The following ALG9 variants were observed in gnomAD, a reference collection of about 807,000 sequenced individuals.
ALG9 encodes alpha-1,2-mannosyltransferase ALG9.
ALG9 carries 55 observed loss-of-function variants against 81.8 expected under a neutral mutation model. The observed-to-expected ratio is 0.67, with a 90% CI of 0.54 to 0.84. ALG9 has a LOEUF of 0.84. Ranked by LOEUF, ALG9 falls within the 40% of genes least tolerant of loss-of-function variation. ALG9 has a pLI of 0.00. For missense variants in ALG9, 629 were observed against 745.0 expected (o/e 0.84, Z 1.81); for synonymous variants, 278 against 274.3 (o/e 1.01, Z -0.13).
chr11:111,796,812 C>T (rs1247628118), intron 14 of ALG9, among the ~76,000 whole-genome samples: 3 of 152,142 alleles, frequency 2.0e-5, no homozygotes, highest in Non-Finnish European at 2.9e-5. Context: ...AAGGGCACCA[C>T]CATGATTGAC....
chr11:111,837,727 G>C (rs2136833385), intron 11 of ALG9, 112 bp from the exon 12 acceptor site: 1 of 1,228,442 alleles, frequency 8.1e-7, no homozygotes. Flanking sequence ...TAAAAGGCAG[G>C]AAGGGCCATA....
intron 8 of ALG9, among the ~76,000 whole-genome samples, chr11:111,850,076 C>G (rs1238827434): frequency 2.0e-5 from 3 of 152,180 alleles, no homozygotes; most frequent in Non-Finnish European, 4.4e-5. Context: ...TTTATGTATA[C>G]TGAATGGCCT....
At chr11:111,838,434 T>C in intron 10 of ALG9, 35 bp from the exon 11 acceptor site, 1 of 1,557,836 alleles carries the variant, frequency 6.4e-7, no homozygotes, top group East Asian at 2.3e-5. Flanking sequence ...AGAATATACA[T>C]AATTACAAGA....
chr11:111,821,641 CT>C (rs879950901), intron 13 of ALG9, among the ~76,000 whole-genome samples: 305 of 144,904 alleles, frequency 2.1e-3, no homozygotes, highest in Non-Finnish European at 1.9e-3. Flanking sequence ...CCCCAGGCTT[CT>C]TTTTTTTTTT....
chr11:111,791,242 G>C (rs1555070147), intron 14 of ALG9, among the ~76,000 whole-genome samples: 1 of 152,140 alleles, frequency 6.6e-6, no homozygotes, highest in Non-Finnish European at 1.5e-5. Flanking sequence ...TAAGCTAATT[G>C]GGTAGAAACA....
chr11:111,768,302 C>T, the ALG9 span, among the ~76,000 whole-genome samples: 2 of 151,876 alleles, frequency 1.3e-5, no homozygotes, highest in South Asian at 2.1e-4. Flanking sequence ...TCATTTGTCA[C>T]GTTAAATTAC....
intron 8 of ALG9, chr11:111,849,707 T>G (rs1398344913): frequency 6.6e-6 from 1 of 152,114 alleles, no homozygotes. Context: ...CAGCTCCCAT[T>G]TATAAGTGAG....
intron 13 of ALG9, among the ~76,000 whole-genome samples, chr11:111,811,872 T>C (rs1950764953): frequency 6.6e-6 from 1 of 151,944 alleles, no homozygotes; most frequent in African/African-American, 2.4e-5. Flanking sequence ...TGGGTATGGG[T>C]TTTTTTGGGG....
intron 13 of ALG9, among the ~76,000 whole-genome samples, chr11:111,832,081 C>T (rs1379109615): frequency 2.6e-5 from 4 of 152,122 alleles, no homozygotes; most frequent in South Asian, 2.1e-4. Flanking sequence ...CCACATCCAC[C>T]CATTCACCTT....
chr11:111,807,366 T>A (rs1950075325), intron 14 of ALG9, among the ~76,000 whole-genome samples: 1 of 152,164 alleles, frequency 6.6e-6, no homozygotes, highest in Non-Finnish European at 1.5e-5. Flanking sequence ...TTTCACTAGC[T>A]GTTCCCTCAG....
In ALG9 at chr11:111,785,365, T is replaced by C. The variant is rs1946356217; in HGVS notation, c.*1032A>G. The C allele has an allele frequency of 6.6e-6, 1 of 152,410 alleles. No individual in the cohort carries two copies. Among genetic ancestry groups the C allele is most frequent in the African/African-American group, 2.4e-5 (1 of 41,448 alleles). The allele number at this position is 152,410 out of a possible 1,614,324, so 9.4% of individuals were successfully genotyped here. On this transcript the variant is annotated 3_prime_UTR_variant, in exon 15 of 15. Coordinates refer to ENST00000616540, the MANE Select transcript of ALG9 (RefSeq NM_024740.2). ...GGCTTTTAAAGTAATAGTATACACTTATCACATTTTAATTAGGTCCTTATC... is the reference window on the plus strand; with the variant it reads ...GGCTTTTAAAGTAATAGTATACACTCATCACATTTTAATTAGGTCCTTATC...
At chr11:111,827,050 T>C (rs1953442709) in intron 13 of ALG9, among the ~76,000 whole-genome samples, 1 of 152,196 alleles carries the variant, frequency 6.6e-6, no homozygotes, top group Admixed American at 6.5e-5. Context: ...GAAGAGCATA[T>C]GTTTTTGTTT....
At position 111,786,531 on chromosome 11, in the gene ALG9, A is replaced by C. The variant is rs1946494918; in HGVS notation, c.1734-11T>G. The C allele has an allele frequency of 6.2e-7, 1 of 1,613,632 alleles. No individual in the cohort carries two copies. The highest frequency in any genetic ancestry group is 1.3e-5 in the African/African-American group (1 of 74,922). Reference sequence around the variant, plus strand: ...AGCAGCTTTGAAGATCTGAAAAACAAGGGATAAAAAAAAGAATTTTATCAC... The same window carrying C: ...AGCAGCTTTGAAGATCTGAAAAACACGGGATAAAAAAAAGAATTTTATCAC... On this transcript the variant is annotated splice_polypyrimidine_tract_variant and intron_variant, in intron 14 of 14. Transcript: ENST00000616540.
chr11:111,836,379 T>C (rs1444144307), intron 12 of ALG9, 85 bp from the exon 13 acceptor site: 72 of 1,552,182 alleles, frequency 4.6e-5, no homozygotes, highest in Non-Finnish European at 2.0e-5. Flanking sequence ...AGGAAAATCA[T>C]GTGAAAAACA....
Position 111,799,690 on chromosome 11 carries a change from G to A in ALG9, c.1733+9953C>T, listed in dbSNP as rs916955199. 3.3e-5 allele frequency among the ~76,000 whole-genome samples: 5 copies of A among 151,994 alleles called. No individual in the cohort carries two copies. The East Asian group carries it at 7.7e-4, about 23-fold the overall frequency. On this transcript the variant is annotated intron_variant, in intron 14 of 14. Coordinates refer to ENST00000616540, the MANE Select transcript of ALG9 (RefSeq NM_024740.2). ...CTTTTTGGAACAAGTCTCTTTGCTC[G>A]GGTCACATTAAAGCAAGATGACCAT...
At chr11:111,853,081 A>T (rs201996815) in intron 8 of ALG9, among the ~76,000 whole-genome samples, 1 of 56,686 alleles carries the variant, frequency 1.8e-5, no homozygotes, top group South Asian at 6.0e-4. Flanking sequence ...ACTTTTAATT[A>T]AAAAAAAAAA....
At chr11:111,804,225 G>C (rs1464674184) in intron 14 of ALG9, among the ~76,000 whole-genome samples, 1 of 151,828 alleles carries the variant, frequency 6.6e-6, no homozygotes, top group African/African-American at 2.4e-5. Context: ...ATGAACTCGG[G>C]TTTGGCAATG....
At chr11:111,821,248 CG>C (rs1397690948) in intron 13 of ALG9, among the ~76,000 whole-genome samples, 1 of 152,112 alleles carries the variant, frequency 6.6e-6, no homozygotes, top group Non-Finnish European at 1.5e-5. Flanking sequence ...TTCTGCTCCA[CG>C]GGAGGCTTCT....
At chr11:111,857,487 T>C in intron 6 of ALG9, 115 bp downstream of exon 6, 1 of 1,399,068 alleles carries the variant, frequency 7.1e-7, no homozygotes, top group South Asian at 1.2e-5. Context: ...TCCCAGAATC[T>C]TTGAAAGCCC....
Sources: allele counts gnomAD v4.1 joint callset (sites outside exome capture counted in the v4.1 genomes callset), GRCh38; gene constraint gnomAD v4.1.1; transcripts MANE v1.5; gene names NCBI Gene and HGNC (gene_info 2026-07-23, HGNC 2026-07-21).